The following YAP1 variants were observed in gnomAD, a reference collection of about 807,000 sequenced individuals.
YAP1 encodes transcriptional coactivator YAP1.
A neutral mutation model predicts 56.9 loss-of-function variants in YAP1; 5 were observed. The ratio of observed to expected loss-of-function variants is 0.09; its 90% CI spans 0.05 to 0.18. YAP1 has a LOEUF of 0.18. Among genes scored for constraint, YAP1 ranks in the 10% least tolerant of loss-of-function variants. YAP1 has a pLI of 1.00. For synonymous variants in YAP1, 265 were observed against 248.1 expected (o/e 1.07, Z -0.64); for missense variants, 539 against 651.8 (o/e 0.83, Z 1.88).
intron 3 of YAP1, among the ~76,000 whole-genome samples, chr11:102,177,914 T>C (rs1178072771): frequency 6.6e-6 from 1 of 152,132 alleles, no homozygotes; most frequent in Non-Finnish European, 1.5e-5. Context: ...TAAAAAAATA[T>C]GATTACTGTT....
chr11:102,209,447 G>T (rs545957292), intron 5 of YAP1, 70 bp from the exon 6 acceptor site: 2 of 1,371,542 alleles, frequency 1.5e-6, no homozygotes, highest in East Asian at 2.3e-5. Flanking sequence ...GATACAATTT[G>T]TAAGTCAGCC....
rs182710916 is a variant in YAP1, at chr11:102,208,573, G to A, written c.985-944G>A. Among the ~76,000 whole-genome samples the A allele has an allele frequency of 3.2e-3, 492 of 151,828 alleles. 3 individuals carry two copies. Among genetic ancestry groups the A allele is most frequent in the African/African-American group, 0.011 (470 of 41,424 alleles). The stretch of plus-strand genomic sequence containing the variant: ...TTACCATAAAGGAAGAATATTTTTC[G>A]TCTACTATTGTTAGAACACCTTAGA... On this transcript the variant is annotated intron_variant, in intron 5 of 8. Coordinates refer to ENST00000282441, the MANE Select transcript of YAP1 (RefSeq NM_001130145.3).
At chr11:102,181,197 G>A (rs1292090239) in intron 3 of YAP1, among the ~76,000 whole-genome samples, 1 of 151,584 alleles carries the variant, frequency 6.6e-6, no homozygotes, top group Non-Finnish European at 1.5e-5. Context: ...TGTAATCCCA[G>A]CACTTTGGGA....
At chr11:102,111,279 C>T in intron 1 of YAP1, 110 bp downstream of exon 1, 3 of 1,356,758 alleles carry the variant, frequency 2.2e-6, no homozygotes, top group South Asian at 1.4e-5. Flanking sequence ...GTTGCGGGAA[C>T]TCTAGCTGGG....
chr11:102,183,701 T>C (rs1448566556), intron 3 of YAP1, among the ~76,000 whole-genome samples: 1 of 141,994 alleles, frequency 7.0e-6, no homozygotes, highest in Non-Finnish European at 1.5e-5. Context: ...TAATGCTGTT[T>C]CTGTGTGTGT....
chr11:102,213,446 A>G (rs988024008), intron 6 of YAP1, among the ~76,000 whole-genome samples: 1 of 152,174 alleles, frequency 6.6e-6, no homozygotes, highest in Admixed American at 6.5e-5. Context: ...AGATCGTGGC[A>G]TTGCACTCCA....
In YAP1 at chr11:102,110,948, G is replaced by A. The variant is rs773573203; in HGVS notation, c.100G>A (p.Gly34Arg). 9.4e-5 allele frequency: 142 copies of A among 1,504,112 alleles called. No homozygotes were observed. Among genetic ancestry groups the A allele is most frequent in the Non-Finnish European group, 1.2e-4 (136 of 1,128,100 alleles). 93.2% of individuals were successfully genotyped at this position (1,504,112 alleles called of 1,614,324 possible). A position where few individuals can be genotyped will look rare whatever the true frequency, so the allele number is the denominator to read the frequency against. Residue 34 changes from glycine (G) to arginine (R), a missense_variant, in exon 1 of 9, where the codon GGG becomes AGG. Coordinates refer to ENST00000282441, the MANE Select transcript of YAP1 (RefSeq NM_001130145.3). The part of the protein sequence containing the change: ...PQGQGPPSGP[G>R]QPAPAATQAA... ...GGGGCAGGGCCCGCCGTCCGGACCC[G>A]GGCAACCGGCACCCGCGGCGACCCA...
chr11:102,201,852 C>G (rs765936081), intron 4 of YAP1, among the ~76,000 whole-genome samples: 1 of 151,750 alleles, frequency 6.6e-6, no homozygotes, highest in Non-Finnish European at 1.5e-5. Context: ...AGAGTAATGT[C>G]TCTAAATACC....
chr11:102,131,028 T>G (rs143292081), intron 2 of YAP1, among the ~76,000 whole-genome samples: 2 of 152,300 alleles, frequency 1.3e-5, no homozygotes, highest in South Asian at 2.1e-4. Flanking sequence ...CTGTCTGTCT[T>G]CTTTGAGTTG....
intron 5 of YAP1, among the ~76,000 whole-genome samples, chr11:102,208,785 T>C (rs1393947572): frequency 6.6e-6 from 1 of 152,240 alleles, no homozygotes; most frequent in East Asian, 1.9e-4. Flanking sequence ...AAAAAAGTTC[T>C]TTAATTACTA....
intron 1 of YAP1, 55 bp downstream of exon 1, chr11:102,111,224 G>C: frequency 6.3e-7 from 1 of 1,598,652 alleles, no homozygotes; most frequent in South Asian, 1.1e-5. Context: ...CAGACCGGGG[G>C]GGCGCTCGGG....
At chr11:102,128,308 A>G (rs988034545) in intron 2 of YAP1, among the ~76,000 whole-genome samples, 1 of 152,088 alleles carries the variant, frequency 6.6e-6, no homozygotes, top group African/African-American at 2.4e-5. Context: ...GGGTAATTGA[A>G]TTATGGGGTC....
chr11:102,114,227 A>G lies in YAP1; in HGVS notation c.405A>G (p.Gly135=), dbSNP rs1943139417. The G allele has an allele frequency of 6.2e-7, 1 of 1,613,892 alleles. No homozygotes were observed. Among genetic ancestry groups the G allele is most frequent in the Non-Finnish European group, 8.5e-7 (1 of 1,179,948 alleles). Residue 135 remains glycine, a synonymous_variant, in exon 2 of 9, where the codon GGA becomes GGG. Coordinates refer to ENST00000282441, the MANE Select transcript of YAP1 (RefSeq NM_001130145.3). ...AHSSPASLQL[G]AVSPGTLTPT... ...CCTCTCCAGCTTCTCTGCAGTTGGG[A>G]GCTGTTTCTCCTGGGACACTGACCC...
At chr11:102,128,786 G>A (rs577062690) in intron 2 of YAP1, among the ~76,000 whole-genome samples, 19 of 152,192 alleles carry the variant, frequency 1.2e-4, no homozygotes, top group Non-Finnish European at 2.4e-4. Context: ...CTATTCTTAT[G>A]TATGATAAGG....
At chr11:102,201,840 G>A (rs542581945) in intron 4 of YAP1, among the ~76,000 whole-genome samples, 4 of 151,888 alleles carry the variant, frequency 2.6e-5, no homozygotes, top group Admixed American at 6.6e-5. Flanking sequence ...CCCCTAGTAC[G>A]CAGAGTAATG....
chr11:102,164,013 A>G (rs1765964416), intron 3 of YAP1, among the ~76,000 whole-genome samples: 1 of 151,230 alleles, frequency 6.6e-6, no homozygotes, highest in Admixed American at 6.6e-5. Context: ...AATCTCTTTT[A>G]TATGTGACAC....
intron 1 of YAP1, 110 bp downstream of exon 1, chr11:102,111,279 C>G: frequency 7.4e-7 from 1 of 1,356,758 alleles, no homozygotes; most frequent in Admixed American, 2.3e-5. Context: ...GTTGCGGGAA[C>G]TCTAGCTGGG....
intron 3 of YAP1, among the ~76,000 whole-genome samples, chr11:102,178,876 A>G: frequency 6.6e-6 from 1 of 152,204 alleles, no homozygotes; most frequent in East Asian, 1.9e-4. Context: ...TGAGGACCTC[A>G]GGAAGCTTAC....
At chr11:102,221,896 G>C (rs749804684) in intron 6 of YAP1, among the ~76,000 whole-genome samples, 1 of 151,878 alleles carries the variant, frequency 6.6e-6, no homozygotes. Flanking sequence ...AATACTAATG[G>C]TGCATACTAC....
Sources: gnomAD v4.1 joint callset for allele counts (sites outside exome capture counted in the v4.1 genomes callset) on GRCh38, gnomAD v4.1.1 for gene constraint, MANE v1.5 for transcripts, NCBI Gene and HGNC (gene_info 2026-07-23, HGNC 2026-07-21) for gene names.